The following AHNAK variants were observed in gnomAD, a reference collection of about 807,000 sequenced individuals.
The protein encoded by AHNAK is AHNAK nucleoprotein, also known as neuroblast differentiation-associated protein AHNAK.
In AHNAK, 23 loss-of-function variants were observed where a neutral mutation model predicts 37.8. The observed-to-expected ratio is 0.61, with a 90% CI of 0.44 to 0.86. AHNAK has a LOEUF of 0.86. Among genes scored for constraint, AHNAK ranks in the 40% least tolerant of loss-of-function variants. AHNAK has a pLI of 0.00. For missense variants in AHNAK, 7,411 were observed against 7,319.4 expected (o/e 1.01, Z -0.46); for synonymous variants, 2,481 against 2,636.3 (o/e 0.94, Z 1.80).
intron 4 of AHNAK, among the ~76,000 whole-genome samples, chr11:62,494,532 C>T (rs1212751429): frequency 6.6e-6 from 1 of 151,942 alleles, no homozygotes; most frequent in Non-Finnish European, 1.5e-5. Flanking sequence ...AACTGAAGTA[C>T]AGAGAGCTTA....
chr11:62,507,290 G>GA (rs530410797), intron 4 of AHNAK, among the ~76,000 whole-genome samples: 242 of 151,978 alleles, frequency 1.6e-3, no homozygotes, highest in African/African-American at 5.6e-3. Context: ...TCTGTTAAAT[G>GA]AAAAAAATAA....
chr11:62,516,483 AAT>A lies in AHNAK; in HGVS notation c.*259_*260del. On this transcript the variant is annotated 3_prime_UTR_variant, in exon 5 of 5. Coordinates refer to ENST00000378024, the MANE Select transcript of AHNAK (RefSeq NM_001620.3). ...GAGCTCTCAGCAGTCAATGCAAAAAAATATATATATATGAAATCTTAAGGCAA... is the reference window on the plus strand; with the variant it reads ...GAGCTCTCAGCAGTCAATGCAAAAAAATATATATATGAAATCTTAAGGCAA... The A allele has an allele frequency of 2.2e-5, 30 of 1,341,918 alleles. No individual in the cohort carries two copies. Among genetic ancestry groups the A allele is most frequent in the East Asian group, 6.3e-5 (2 of 31,544 alleles). The allele number at this position is 1,341,918 out of a possible 1,614,324, so 83.1% of individuals were successfully genotyped here. A position where few individuals can be genotyped will look rare whatever the true frequency, so the allele number is the denominator to read the frequency against.
intron 5 of AHNAK, among the ~76,000 whole-genome samples, chr11:62,434,951 A>AAAG (rs1345248690): frequency 5.3e-5 from 8 of 151,364 alleles, no homozygotes; most frequent in Non-Finnish European, 1.2e-4. Context: ...AAAAAAAAAA[A>AAAG]AAAGCCAGCT....
intron 5 of AHNAK, among the ~76,000 whole-genome samples, chr11:62,455,979 C>A (rs1395447434): frequency 1.3e-5 from 2 of 152,044 alleles, no homozygotes; most frequent in Non-Finnish European, 2.9e-5. Context: ...GCGTAAGTTG[C>A]AGTGAGCCAA....
At chr11:62,442,408 C>A (rs2134782757) in intron 5 of AHNAK, among the ~76,000 whole-genome samples, 1 of 152,082 alleles carries the variant, frequency 6.6e-6, no homozygotes, top group South Asian at 2.1e-4. Context: ...ATTAGCCAGG[C>A]ATGGTGGTAT....
At chr11:62,496,770 G>A (rs1302204708) in intron 4 of AHNAK, among the ~76,000 whole-genome samples, 1 of 151,588 alleles carries the variant, frequency 6.6e-6, no homozygotes, top group East Asian at 1.9e-4. Context: ...ACTCCAGCCT[G>A]AGCAGCAGAG....
Position 62,518,473 on chromosome 11 carries a change from A to T in AHNAK, c.15944T>A (p.Leu5315Gln). 6.2e-7 allele frequency: 1 copy of T among 1,614,100 alleles called. No homozygotes were observed. Among genetic ancestry groups the T allele is most frequent in the Non-Finnish European group, 8.5e-7 (1 of 1,180,014 alleles). ...CTTCATGCTGGGAACAGATGCATCC[A>T]GGTCTCCCTTCAAACTTGGTCCTTT... ...NLKGPSLKGDLDASVPSMKVH... is the reference protein window; with the variant it reads ...NLKGPSLKGDQDASVPSMKVH... The change falls in exon 5 of 5, where the codon CTG becomes CAG. Residue 5315 changes from leucine to glutamine, a missense_variant. Coordinates refer to ENST00000378024, the MANE Select transcript of AHNAK (RefSeq NM_001620.3).
At position 62,519,106 on chromosome 11, in the gene AHNAK, G is replaced by A. The variant is rs749167403; in HGVS notation, c.15311C>T (p.Ala5104Val). ...TTTGGGGCTAGGGAGAGGGGCCTCA[G>A]CTTTAAATTTAGGTGATTTAATGTC... ...EFDIKSPKFK[A>V]EAPLPSPKLE... Residue 5104 changes from alanine to valine, a missense_variant, in exon 5 of 5, where the codon GCT becomes GTT. Coordinates refer to ENST00000378024, the MANE Select transcript of AHNAK (RefSeq NM_001620.3). 1 of 1,613,768 alleles carries A rather than the reference G, an allele frequency of 6.2e-7. No individual in the cohort carries two copies. Among genetic ancestry groups the A allele is most frequent in the Non-Finnish European group, 8.5e-7 (1 of 1,179,896 alleles).
chr11:62,491,948 A>C (rs565789012), intron 4 of AHNAK: 89 of 829,688 alleles, frequency 1.1e-4, no homozygotes, highest in African/African-American at 9.7e-4. Flanking sequence ...TACCACTACC[A>C]CCCCCCAACA....
At chr11:62,544,321 G>C (rs1475575436) in intron 1 of AHNAK, among the ~76,000 whole-genome samples, 1 of 152,140 alleles carries the variant, frequency 6.6e-6, no homozygotes, top group Non-Finnish European at 1.5e-5. Context: ...CCTCAGCTCC[G>C]AGGGGTTGGC....
chr11:62,529,120 C>T lies in AHNAK; in HGVS notation c.5297G>A (p.Gly1766Asp), dbSNP rs76414066. The T allele has an allele frequency of 6.2e-6, 10 of 1,614,096 alleles. No individual in the cohort carries two copies. Among genetic ancestry groups the T allele is most frequent in the African/African-American group, 1.3e-5 (1 of 75,000 alleles). ...DIEGPEGKLK[G>D]SKFKMPKLNI... ...CAACTTGGGCATCTTAAATTTGGAG[C>T]CTTTCAACTTTCCTTCTGGTCCCTC... The change falls in exon 5 of 5, where the codon GGC becomes GAC. Residue 1766 changes from glycine (G) to aspartate (D), a missense_variant. Coordinates refer to ENST00000378024, the MANE Select transcript of AHNAK (RefSeq NM_001620.3).
intron 5 of AHNAK, among the ~76,000 whole-genome samples, chr11:62,473,127 T>C (rs1167428004): frequency 9.4e-6 from 1 of 106,562 alleles, no homozygotes. Flanking sequence ...CCAGGTGCGG[T>C]GGCTCATGTC....
intron 5 of AHNAK, among the ~76,000 whole-genome samples, chr11:62,438,782 T>C (rs1468985564): frequency 2.0e-5 from 3 of 152,184 alleles, no homozygotes; most frequent in Non-Finnish European, 2.9e-5. Flanking sequence ...CCTTTTAGTC[T>C]TGCTTTATGT....
At chr11:62,501,802 C>A (rs1171688382) in intron 4 of AHNAK, among the ~76,000 whole-genome samples, 3 of 152,134 alleles carry the variant, frequency 2.0e-5, no homozygotes, top group Non-Finnish European at 2.9e-5. Flanking sequence ...TCAAAGAGAG[C>A]GGTGGGGCAG....
chr11:62,436,862 C>A (rs1049047405), intron 5 of AHNAK, among the ~76,000 whole-genome samples: 2 of 151,920 alleles, frequency 1.3e-5, no homozygotes, highest in Non-Finnish European at 2.9e-5. Flanking sequence ...TGGCGTGAAC[C>A]CAGGAGGCGG....
At chr11:62,464,196 C>A (rs1213516184) in intron 5 of AHNAK, among the ~76,000 whole-genome samples, 1 of 151,556 alleles carries the variant, frequency 6.6e-6, no homozygotes, top group Non-Finnish European at 1.5e-5. Flanking sequence ...CCCTGCTAAT[C>A]TGCTAATCTG....
Position 62,529,155 on chromosome 11 carries a change from A to C in AHNAK, c.5262T>G (p.Asp1754Glu). ...SGPSVDTDAP[D>E]LDIEGPEGKL... Reference sequence around the variant, plus strand: ...TTCCTTCTGGTCCCTCAATATCCAAATCAGGAGCATCAGTGTCCACACTGG... The same window carrying C: ...TTCCTTCTGGTCCCTCAATATCCAACTCAGGAGCATCAGTGTCCACACTGG... The change falls in exon 5 of 5, where the codon GAT (aspartate) becomes GAG (glutamate). Residue 1754 changes from aspartate to glutamate, a missense_variant. Transcript: ENST00000378024. 1 of 1,614,122 alleles carries C rather than the reference A, an allele frequency of 6.2e-7. No homozygotes were observed. The highest frequency in any genetic ancestry group is 8.5e-7 in the Non-Finnish European group (1 of 1,180,028).
chr11:62,475,221 C>T (rs1361031933), intron 5 of AHNAK, among the ~76,000 whole-genome samples: 2 of 152,180 alleles, frequency 1.3e-5, no homozygotes, highest in African/African-American at 4.8e-5. Context: ...GAGAATTGCT[C>T]AAACCCAAGA....
chr11:62,465,232 C>G (rs1298504), intron 5 of AHNAK, among the ~76,000 whole-genome samples: 21,081 of 152,110 alleles, frequency 0.14, 3,779 homozygotes, highest in African/African-American at 0.42. Context: ...TTCTGTCCCC[C>G]CCTCGAAAGA....
Sources: allele counts gnomAD v4.1 joint callset (sites outside exome capture counted in the v4.1 genomes callset), GRCh38; gene constraint gnomAD v4.1.1; transcripts MANE v1.5; gene names NCBI Gene and HGNC (gene_info 2026-07-23, HGNC 2026-07-21).